TEX10: variants seen among roughly 807,000 people sequenced by gnomAD.
TEX10 encodes the protein testis-expressed protein 10.
TEX10 carries 24 observed loss-of-function variants against 104.4 expected under a neutral mutation model. The ratio of observed to expected loss-of-function variants is 0.23; its 90% confidence interval spans 0.17 to 0.32. TEX10 has a LOEUF of 0.32. TEX10 is among the 10% of genes least tolerant of loss of function. The probability of loss-of-function intolerance (pLI) is 1.00; values close to 1 mark genes in which losing one functional copy is unlikely to be tolerated. For missense variants in TEX10, 921 were observed against 1,083.9 expected (o/e 0.85, Z 2.11); for synonymous variants, 396 against 393.4 (o/e 1.01, Z -0.08).
In TEX10 at chr9:100,329,216, G is replaced by A. The variant is rs1834787787; in HGVS notation, c.1549C>T (p.Leu517Phe). The change falls in exon 7 of 15, where the codon CTT becomes TTT. Residue 517 changes from leucine (L) to phenylalanine (F), a missense_variant. Coordinates refer to ENST00000374902, the MANE Select transcript of TEX10 (RefSeq NM_017746.4). ...TTCAATAACAAAGTCCGAACTGGAA[G>A]GATAAGGCCCCTCTGCTGATATAAT... The part of the protein sequence containing the change: ...YTLYQQRGLI[L>F]PVRTLLLKFF... The A allele has an allele frequency of 1.9e-6, 3 of 1,612,772 alleles. No homozygotes were observed. Among genetic ancestry groups the A allele is most frequent in the Non-Finnish European group, 1.7e-6 (2 of 1,179,598 alleles).
At chr9:100,347,883 T>C (rs1267537088) in intron 2 of TEX10, among the ~76,000 whole-genome samples, 2 of 152,228 alleles carry the variant, frequency 1.3e-5, no homozygotes, top group Admixed American at 6.5e-5. Context: ...AATAACTCTT[T>C]AGTATTATTT....
intron 9 of TEX10, among the ~76,000 whole-genome samples, chr9:100,322,284 A>G (rs1366153094): frequency 6.6e-6 from 1 of 152,232 alleles, no homozygotes; most frequent in African/African-American, 2.4e-5. Context: ...AACTAGGTCT[A>G]TTTCACAATA....
At chr9:100,349,056 A>G in intron 2 of TEX10, 128 bp downstream of exon 2, 1 of 661,130 alleles carries the variant, frequency 1.5e-6, no homozygotes, top group Non-Finnish European at 2.2e-6. Context: ...AACTCCAAAC[A>G]TCAATAAACC....
intron 5 of TEX10, among the ~76,000 whole-genome samples, chr9:100,336,824 GGCTATTT>G (rs1295392206): frequency 6.6e-6 from 1 of 152,106 alleles, no homozygotes; most frequent in Non-Finnish European, 1.5e-5. Flanking sequence ...GCTGTTCACA[GGCTATTT>G]GCTAAGTATT....
intron 9 of TEX10, among the ~76,000 whole-genome samples, chr9:100,323,288 G>T (rs10819758): frequency 0.1 from 15,337 of 152,176 alleles, 1,029 homozygotes; most frequent in Non-Finnish European, 0.15. Flanking sequence ...TGAGTAAAAG[G>T]GGGTGGCTGG....
At chr9:100,338,722 T>C (rs1403407943) in intron 5 of TEX10, among the ~76,000 whole-genome samples, 1 of 151,932 alleles carries the variant, frequency 6.6e-6, no homozygotes, top group Non-Finnish European at 1.5e-5. Context: ...AGAAACCCCA[T>C]CTCTACTAAA....
At chr9:100,329,350 C>G in intron 6 of TEX10, 75 bp from the exon 7 acceptor site, 1 of 1,528,332 alleles carries the variant, frequency 6.5e-7, no homozygotes, top group Non-Finnish European at 8.7e-7. Context: ...CTGAATGCAC[C>G]GAAGTACTTT....
Position 100,347,328 on chromosome 9 carries a change from G to C in TEX10, c.259C>G (p.Gln87Glu). Residue 87 changes from glutamine to glutamate, a missense_variant, in exon 3 of 15, where the codon CAA (glutamine) becomes GAA (glutamate). This residue lies in a region of TEX10 where 118 missense variants were observed against 111.3 expected (regional missense o/e 1.06). Coordinates refer to ENST00000374902, the MANE Select transcript of TEX10 (RefSeq NM_017746.4). Reference sequence around the variant, plus strand: ...TGTGCATCAATTATAAATGGGTATTGAGACAAAAGGTCTTTAAGTCCAAGA... The same window carrying C: ...TGTGCATCAATTATAAATGGGTATTCAGACAAAAGGTCTTTAAGTCCAAGA... ...ALLGLKDLLS[Q>E]YPFIIDAHLS... The C allele has an allele frequency of 6.2e-7, 1 of 1,613,928 alleles. No homozygotes were observed. Among genetic ancestry groups the C allele is most frequent in the Non-Finnish European group, 8.5e-7 (1 of 1,179,928 alleles).
intron 14 of TEX10, among the ~76,000 whole-genome samples, chr9:100,302,756 C>T (rs1834024731): frequency 6.6e-6 from 1 of 152,196 alleles, no homozygotes; most frequent in Non-Finnish European, 1.5e-5. Flanking sequence ...TTCTTCCCTT[C>T]ACTATTTCTG....
At position 100,349,377 on chromosome 9, in the gene TEX10, A is replaced by G. The variant is rs191506371; in HGVS notation, c.-9-5T>C. The G allele has an allele frequency of 1.4e-3, 2,084 of 1,534,540 alleles. 4 individuals are homozygous for G. The highest frequency in any genetic ancestry group is 1.7e-3 in the Non-Finnish European group (1,926 of 1,144,438). On this transcript the variant is annotated splice_polypyrimidine_tract_variant and splice_region_variant and intron_variant, in intron 1 of 14. Transcript: ENST00000374902. ...TTTTTTAGTCATTCTCGACTACTAT[A>G]ATGAAAAGAATTAATTAAAAGCAAT...
intron 4 of TEX10, among the ~76,000 whole-genome samples, chr9:100,343,541 T>C (rs1029535685): frequency 6.6e-6 from 1 of 151,746 alleles, no homozygotes; most frequent in Non-Finnish European, 1.5e-5. Context: ...TAAGACTTAA[T>C]GTACCCTGAG....
intron 10 of TEX10, among the ~76,000 whole-genome samples, chr9:100,321,009 C>G (rs1296106045): frequency 6.6e-6 from 1 of 152,138 alleles, no homozygotes; most frequent in Non-Finnish European, 1.5e-5. Context: ...CCTTGATGTT[C>G]AAATCACTAT....
At chr9:100,321,655 T>C (rs1410269112) in intron 10 of TEX10, 28 bp downstream of exon 10, 1 of 1,579,042 alleles carries the variant, frequency 6.3e-7, no homozygotes, top group African/African-American at 1.4e-5. Flanking sequence ...GTTTTTTCTT[T>C]TTTAATCTGG....
At chr9:100,307,447 T>C (rs1834168767) in intron 13 of TEX10, 1 of 152,186 alleles carries the variant, frequency 6.6e-6, no homozygotes, top group African/African-American at 2.4e-5. Context: ...AACCCTGGTA[T>C]GGAGAAATAA....
intron 4 of TEX10, among the ~76,000 whole-genome samples, chr9:100,340,999 C>T (rs7037419): frequency 0.14 from 21,272 of 151,874 alleles, 1,558 homozygotes; most frequent in African/African-American, 0.16. Flanking sequence ...TGAAGTCTCG[C>T]TCTGTCGCCC....
chr9:100,338,504 T>C (rs943846456), intron 5 of TEX10, among the ~76,000 whole-genome samples: 2 of 152,198 alleles, frequency 1.3e-5, no homozygotes, highest in African/African-American at 4.8e-5. Flanking sequence ...GTTCTACAAG[T>C]AGTATCTGCT....
chr9:100,310,502 A>G, intron 11 of TEX10, 123 bp from the exon 12 acceptor site: 2 of 861,750 alleles, frequency 2.3e-6, no homozygotes, highest in Non-Finnish European at 3.6e-6. Context: ...GCAGTGATGC[A>G]GTCTCAGCTC....
chr9:100,334,575 C>T (rs1195004743), intron 5 of TEX10, among the ~76,000 whole-genome samples: 2 of 151,778 alleles, frequency 1.3e-5, no homozygotes, highest in African/African-American at 4.8e-5. Context: ...CAGAAGTTTA[C>T]TAAAGTATCA....
chr9:100,316,916 A>AAC (rs1834436083), intron 11 of TEX10, among the ~76,000 whole-genome samples: 1 of 149,972 alleles, frequency 6.7e-6, no homozygotes, highest in Non-Finnish European at 1.5e-5. Flanking sequence ...AAAAAAAAAA[A>AAC]CCTAGGAATA....
Sources: gnomAD v4.1 joint callset for allele counts (sites outside exome capture counted in the v4.1 genomes callset) on GRCh38, gnomAD v4.1.1 for gene constraint, gnomAD v4.1.1 regional missense constraint, MANE v1.5 for transcripts, NCBI Gene and HGNC (gene_info 2026-07-23, HGNC 2026-07-21) for gene names.